The following AGO3 variants were observed in gnomAD, a reference collection of about 807,000 sequenced individuals.
AGO3 encodes the protein protein argonaute-3.
A neutral mutation model predicts 105.5 loss-of-function variants in AGO3; 16 were observed. The observed-to-expected ratio is 0.15, with a 90% CI of 0.10 to 0.23. The LOEUF (loss-of-function observed/expected upper bound fraction) is 0.23. Among genes scored for constraint, AGO3 ranks in the 10% least tolerant of loss-of-function variants. The probability of loss-of-function intolerance (pLI) is 1.00; values close to 1 mark genes in which losing one functional copy is unlikely to be tolerated. For synonymous variants in AGO3, 340 were observed against 367.3 expected (o/e 0.93, Z 0.85); for missense variants, 534 against 1,088.0 (o/e 0.49, Z 7.16).
chr1:35,995,207 A>ATATATATATAT (rs1224450213), intron 5 of AGO3, among the ~76,000 whole-genome samples: 1 of 106,482 alleles, frequency 9.4e-6, no homozygotes, highest in African/African-American at 4.6e-5. Context: ...TCTAAAAAAA[A>ATATATATATAT]AAATATATAT....
rs1260456749 is a variant in AGO3 at position 36,069,304 on chromosome 1, A to G, written c.*13559A>G. The G allele has an allele frequency of 2.6e-5, 4 of 152,198 alleles. No individual in the cohort carries two copies. The highest frequency in any genetic ancestry group is 9.7e-5 in the African/African-American group (4 of 41,424). 9.4% of individuals were successfully genotyped at this position (152,198 alleles called of 1,614,324 possible). A position where few individuals can be genotyped will look rare whatever the true frequency, so the allele number is the denominator to read the frequency against. ...TTTTATTGCAGAGATGGGGTCTCAC[A>G]TGTTGCCAAGGCTGATCTCTAACTC... On this transcript the variant is annotated 3_prime_UTR_variant, in exon 19 of 19. Transcript: ENST00000373191.
intron 1 of AGO3, among the ~76,000 whole-genome samples, chr1:35,945,209 TTTTC>T (rs577775057): frequency 7.0e-4 from 95 of 136,202 alleles, no homozygotes; most frequent in African/African-American, 2.7e-3. Flanking sequence ...TTTTCTTTTC[TTTTC>T]TTTTTTTTTT....
chr1:36,042,069 TTA>T (rs1642273134), intron 16 of AGO3, among the ~76,000 whole-genome samples: 1 of 152,190 alleles, frequency 6.6e-6, no homozygotes, highest in African/African-American at 2.4e-5. Context: ...ACCAACAAGA[TTA>T]TGAGATAGTT....
intron 1 of AGO3, among the ~76,000 whole-genome samples, chr1:35,941,346 G>C (rs956777210): frequency 1.3e-5 from 2 of 151,896 alleles, no homozygotes; most frequent in Non-Finnish European, 2.9e-5. Context: ...TCTGCTGACT[G>C]GTCTCCCTGC....
chr1:36,007,668 C>T (rs796673907), intron 6 of AGO3, among the ~76,000 whole-genome samples: 2 of 151,156 alleles, frequency 1.3e-5, no homozygotes, highest in African/African-American at 4.9e-5. Context: ...TGCACTCTGA[C>T]CTGGGCAACA....
At chr1:35,997,627 C>G (rs1432546776) in intron 5 of AGO3, among the ~76,000 whole-genome samples, 1 of 152,156 alleles carries the variant, frequency 6.6e-6, no homozygotes, top group Non-Finnish European at 1.5e-5. Flanking sequence ...GCATTTTCGC[C>G]TTAACGATAT....
In AGO3 at chr1:36,066,787, A is replaced by T. The variant is rs1017569428; in HGVS notation, c.*11042A>T. On this transcript the variant is annotated 3_prime_UTR_variant, in exon 19 of 19. Coordinates refer to ENST00000373191, the MANE Select transcript of AGO3 (RefSeq NM_024852.4). ...ACTGGAGGTCTTTGTAAAGAAATAG[A>T]CTAGTAGGATTGTGAGAATATATAG... The T allele has an allele frequency of 1.3e-5, 2 of 152,180 alleles. No individual in the cohort carries two copies. The highest frequency in any genetic ancestry group is 1.3e-4 in the Admixed American group (2 of 15,286). The allele number at this position is 152,180 out of a possible 1,614,324, so 9.4% of individuals were successfully genotyped here. A position where few individuals can be genotyped will look rare whatever the true frequency, so the allele number is the denominator to read the frequency against.
intron 5 of AGO3, among the ~76,000 whole-genome samples, chr1:35,976,908 A>G (rs959923): frequency 0.05 from 7,651 of 152,236 alleles, 627 homozygotes; most frequent in African/African-American, 0.17. Context: ...TCTAAAATGT[A>G]TAACAGTTTT....
chr1:36,006,166 C>A (rs951597467), intron 6 of AGO3, among the ~76,000 whole-genome samples: 3 of 151,084 alleles, frequency 2.0e-5, no homozygotes, highest in African/African-American at 7.3e-5. Context: ...ACTACAGTAA[C>A]CCAAGAGAAT....
At position 36,055,040 on chromosome 1, in the gene AGO3, C is replaced by G; in HGVS notation, c.2369C>G (p.Thr790Ser). The stretch of plus-strand genomic sequence containing the variant: ...CTGCTAACTTACCAGCTCTGCCACA[C>G]TTACGTACGCTGTACACGATCTGTT... ...LQLLTYQLCHTYVRCTRSVSI... is the reference protein window; with the variant it reads ...LQLLTYQLCHSYVRCTRSVSI... The change falls in exon 18 of 19, where the codon ACT becomes AGT. Residue 790 changes from threonine (T) to serine (S), a missense_variant. Thr to Ser is a moderately conservative substitution (Grantham distance 58, BLOSUM62 1). This residue lies in a region of AGO3 where 373 missense variants were observed against 854.0 expected (regional missense o/e 0.44). Transcript: ENST00000373191. The surrounding 1 kb of genome is among the most constrained non-coding windows in gnomAD (Gnocchi z 4.4). The G allele has an allele frequency of 6.2e-7, 1 of 1,614,218 alleles. No homozygotes were observed. The highest frequency in any genetic ancestry group is 8.5e-7 in the Non-Finnish European group (1 of 1,180,026).
intron 3 of AGO3, among the ~76,000 whole-genome samples, chr1:35,971,102 A>G (rs1405940405): frequency 6.8e-6 from 1 of 146,812 alleles, no homozygotes; most frequent in African/African-American, 2.5e-5. Flanking sequence ...TATAAATTAT[A>G]AATAATATAT....
chr1:36,022,495 G>A, intron 11 of AGO3, among the ~76,000 whole-genome samples: 1 of 152,138 alleles, frequency 6.6e-6, no homozygotes, highest in Middle Eastern at 3.2e-3. Flanking sequence ...ATTTATGAGT[G>A]TATAGCTAGG....
At position 36,055,187 on chromosome 1, in the gene AGO3, T is replaced by C; in HGVS notation, c.2474+42T>C. Reference sequence around the variant, plus strand: ...ACAGGTTCTCACCCAAATCCCAATATTGTCTGCATGGTAGGATTTTCAAGT... The same window carrying C: ...ACAGGTTCTCACCCAAATCCCAATACTGTCTGCATGGTAGGATTTTCAAGT... On this transcript the variant is annotated intron_variant, in intron 18 of 18. Coordinates refer to ENST00000373191, the MANE Select transcript of AGO3 (RefSeq NM_024852.4). The surrounding 1 kb of genome is among the most constrained non-coding windows in gnomAD (Gnocchi z 4.4). The C allele has an allele frequency of 6.5e-7, 1 of 1,542,664 alleles. No individual in the cohort carries two copies. Among genetic ancestry groups the C allele is most frequent in the Non-Finnish European group, 8.8e-7 (1 of 1,138,642 alleles).
intron 6 of AGO3, among the ~76,000 whole-genome samples, chr1:36,006,394 G>A (rs1038935407): frequency 1.3e-5 from 2 of 151,908 alleles, no homozygotes; most frequent in South Asian, 2.1e-4. Context: ...AGAAATACTG[G>A]GAAAATGTAT....
At chr1:35,980,109 A>C (rs1251951399) in intron 5 of AGO3, among the ~76,000 whole-genome samples, 1 of 152,198 alleles carries the variant, frequency 6.6e-6, no homozygotes, top group Non-Finnish European at 1.5e-5. Context: ...TTATACCTTC[A>C]TATGATACCT....
intron 5 of AGO3, among the ~76,000 whole-genome samples, chr1:35,998,648 AT>A (rs1639950096): frequency 6.6e-6 from 1 of 152,138 alleles, no homozygotes; most frequent in African/African-American, 2.4e-5. Context: ...TTTGTCTTCT[AT>A]GAAACGTTTG....
rs1371018084 is a variant in AGO3, at chr1:36,040,381, C to T, written c.2112C>T (p.Thr704=). ...SLEKDYQPGI[T]YIVVQKRHHT... is the part of the protein sequence containing the mutation. ...AGAAAGACTATCAACCTGGAATAAC[C>T]TACATTGTAGTTCAGAAGAGACATC... The change falls in exon 16 of 19, where the codon ACC becomes ACT. Residue 704 remains threonine (T), a synonymous_variant. Coordinates refer to ENST00000373191, the MANE Select transcript of AGO3 (RefSeq NM_024852.4). 1.2e-6 allele frequency: 2 copies of T among 1,613,844 alleles called. No homozygotes were observed. The highest frequency in any genetic ancestry group is 2.7e-5 in the African/African-American group (2 of 74,920).
chr1:35,952,148 CTTT>C (rs869309731), intron 2 of AGO3, among the ~76,000 whole-genome samples: 7 of 18,060 alleles, frequency 3.9e-4, no homozygotes, highest in South Asian at 2.9e-3. Flanking sequence ...TTCTTTCTTT[CTTT>C]TTTTTTTTTT....
chr1:36,055,290 A>G lies in AGO3; in HGVS notation c.2474+145A>G, dbSNP rs767370276. 5 of 823,910 alleles carry G rather than the reference A, an allele frequency of 6.1e-6. No individual in the cohort carries two copies. Among genetic ancestry groups the G allele is most frequent in the Non-Finnish European group, 9.5e-6 (5 of 527,932 alleles). The allele number at this position is 823,910 out of a possible 1,614,324, so 51.0% of individuals were successfully genotyped here. ...TGACTGCCCAAGGTTTCCTATTGAAATATATTGTCTAGGCTCATTAGTAAT... is the reference window on the plus strand; with the variant it reads ...TGACTGCCCAAGGTTTCCTATTGAAGTATATTGTCTAGGCTCATTAGTAAT... On this transcript the variant is annotated intron_variant, in intron 18 of 18. Transcript: ENST00000373191. The surrounding 1 kb of genome is among the most constrained non-coding windows in gnomAD (Gnocchi z 4.4).
Sources: gnomAD v4.1 joint callset for allele counts (sites outside exome capture counted in the v4.1 genomes callset) on GRCh38, gnomAD v4.1.1 for gene constraint, gnomAD v4.1.1 regional missense constraint, Gnocchi (gnomAD v3.1) non-coding constraint, MANE v1.5 for transcripts, NCBI Gene and HGNC (gene_info 2026-07-23, HGNC 2026-07-21) for gene names.